Variants in LMNB2 observed in about 807,000 individuals in gnomAD.
LMNB2 encodes lamin-B2.
Under a neutral mutation model 69.3 loss-of-function variants are expected in LMNB2, and 17 were observed. The ratio of observed to expected loss-of-function variants is 0.25; its 90% CI spans 0.17 to 0.37. The LOEUF (loss-of-function observed/expected upper bound fraction) is 0.37, where lower values mean the gene tolerates loss of function less well. LMNB2 is among the 10% of genes least tolerant of loss of function. The pLI is 1.00. For synonymous variants in LMNB2, 397 were observed against 389.3 expected, an observed-to-expected ratio of 1.02 and a Z score of -0.23; for missense variants, 789 against 883.6, an observed-to-expected ratio of 0.89 and a Z score of 1.36.
rs1417315183 is a variant in LMNB2 at position 2,428,548 on chromosome 19, C to T, written c.*2363G>A. On this transcript the variant is annotated 3_prime_UTR_variant, in exon 12 of 12. Coordinates refer to ENST00000325327, the MANE Select transcript of LMNB2 (RefSeq NM_032737.4). ...CTCCCGGCTCCTGGGCTCAGCGGGGCAGGCTTCAGCGTTAACCTGGCGCTG... is the reference window on the plus strand; with the variant it reads ...CTCCCGGCTCCTGGGCTCAGCGGGGTAGGCTTCAGCGTTAACCTGGCGCTG... 6.6e-6 allele frequency: 1 copy of T among 152,298 alleles called. No individual in the cohort carries two copies. Among genetic ancestry groups the T allele is most frequent in the Admixed American group, 6.5e-5 (1 of 15,286 alleles). The allele number at this position is 152,298 out of a possible 1,614,324, so 9.4% of individuals were successfully genotyped here. A position where few individuals can be genotyped will look rare whatever the true frequency, so the allele number is the denominator to read the frequency against.
intron 6 of LMNB2, 37 bp downstream of exon 6, chr19:2,434,751 C>A (rs1280438701): frequency 2.5e-6 from 4 of 1,581,594 alleles, no homozygotes; most frequent in Non-Finnish European, 3.4e-6. Flanking sequence ...AGAAGTTGGG[C>A]CAGGGGGACG....
intron 11 of LMNB2, 60 bp from the exon 12 acceptor site, chr19:2,431,012 A>G (rs1971732862): frequency 2.7e-6 from 3 of 1,120,686 alleles, no homozygotes; most frequent in Non-Finnish European, 4.1e-6. Context: ...GGCAGCCGGC[A>G]GGTAGATGGC....
At chr19:2,452,324 C>T (rs1156314368) in intron 1 of LMNB2, among the ~76,000 whole-genome samples, 1 of 152,010 alleles carries the variant, frequency 6.6e-6, no homozygotes, top group Non-Finnish European at 1.5e-5. Flanking sequence ...ATCCCAGCTA[C>T]TCAGAAGGCT....
rs891236163 is a variant in LMNB2 at position 2,447,408 on chromosome 19, G to C, written c.265-2868C>G. ...ACAGGCAGCGGGTGTGTGGGCAGCG[G>C]GGCTGGAGAAGGGGACGGGGAGTGA... is the stretch of plus-strand genomic sequence containing the variant. On this transcript the variant is annotated intron_variant, in intron 1 of 11. Transcript: ENST00000325327. The surrounding 1 kb of genome is among the most constrained non-coding windows in gnomAD (Gnocchi z 4.4). 1.3e-5 allele frequency among the ~76,000 whole-genome samples: 2 copies of C among 152,186 alleles called. No homozygotes were observed. Among genetic ancestry groups the C allele is most frequent in the Non-Finnish European group, 2.9e-5 (2 of 68,038 alleles).
chr19:2,438,192 GCTC>G lies in LMNB2; in HGVS notation c.652_654del (p.Glu218del). 1 of 1,614,028 alleles carries G rather than the reference GCTC, an allele frequency of 6.2e-7. No individual in the cohort carries two copies. Reference sequence around the variant, plus strand: ...TCGAACACACTCTTCCGGAAGTCCAGCTCCTCCTGCAGGCTCTGGCAGCGGTTC... The same window carrying G: ...TCGAACACACTCTTCCGGAAGTCCAGCTCCTGCAGGCTCTGGCAGCGGTTC... On this transcript the variant is annotated inframe_deletion, in exon 4 of 12. Coordinates refer to ENST00000325327, the MANE Select transcript of LMNB2 (RefSeq NM_032737.4).
Position 2,434,506 on chromosome 19 carries a change from C to T in LMNB2, c.991G>A (p.Ala331Thr), listed in dbSNP as rs1437865965. The change falls in exon 7 of 12, where the codon GCT (alanine) becomes ACT (threonine). Residue 331 changes from alanine to threonine, a missense_variant. This residue lies in a region of LMNB2 where 609 missense variants were observed against 630.9 expected (regional missense o/e 0.97). Transcript: ENST00000325327. The stretch of plus-strand genomic sequence containing the variant: ...TCCAGCTCCCGAATGCGATCTTCAG[C>T]GGCACTGGCCTGCGGAGGGGGCGGG... Reference protein sequence around the residue: ...LSGLQKQASAAEDRIRELEEA... With the variant: ...LSGLQKQASATEDRIRELEEA... The T allele has an allele frequency of 6.8e-6, 11 of 1,612,422 alleles. No individual in the cohort carries two copies. Among genetic ancestry groups the T allele is most frequent in the Non-Finnish European group, 8.5e-6 (10 of 1,179,922 alleles).
At position 2,444,538 on chromosome 19, in the gene LMNB2, C is replaced by T; in HGVS notation, c.267G>A (p.Val89=). 2 of 1,609,656 alleles carry T rather than the reference C, an allele frequency of 1.2e-6. No individual in the cohort carries two copies. The highest frequency in any genetic ancestry group is 1.7e-6 in the Non-Finnish European group (2 of 1,180,004). Residue 89 remains valine (V), a splice_region_variant and synonymous_variant, in exon 2 of 12, where the codon GTG becomes GTA. Transcript: ENST00000325327. ...SEKEEVTTRE[V]SGIKALYESE... The stretch of plus-strand genomic sequence containing the variant: ...ACTCGTACAGCGCCTTGATGCCACT[C>T]ACCTGGGGAGACCCAGGACAGGGTG...
Position 2,434,075 on chromosome 19 carries a change from G to A in LMNB2, c.1233C>T (p.Arg411=), listed in dbSNP as rs910442854. The A allele has an allele frequency of 5.6e-6, 9 of 1,594,168 alleles. No individual in the cohort carries two copies. Among genetic ancestry groups the A allele is most frequent in the South Asian group, 5.6e-5 (5 of 89,300 alleles). The change falls in exon 8 of 12, where the codon CGC becomes CGT. Residue 411 remains arginine (R), a synonymous_variant. Transcript: ENST00000325327. ...TCGAGGTGGCTCGTGAGACGGTGAC[G>A]CGCGAGGATGGGCTGGGGGACAGCT... ...RLKLSPSPSS[R]VTVSRATSSS...
chr19:2,456,941 G>A lies in LMNB2; in HGVS notation c.-8C>T, dbSNP rs1972098977. 4.4e-5 allele frequency: 43 copies of A among 987,882 alleles called. No homozygotes were observed. The highest frequency in any genetic ancestry group is 4.6e-5 in the Non-Finnish European group (38 of 833,380). 61.2% of individuals were successfully genotyped at this position (987,882 alleles called of 1,614,324 possible). A position where few individuals can be genotyped will look rare whatever the true frequency, so the allele number is the denominator to read the frequency against. On this transcript the variant is annotated 5_prime_UTR_variant, in exon 1 of 12. Coordinates refer to ENST00000325327, the MANE Select transcript of LMNB2 (RefSeq NM_032737.4). Reference sequence around the variant, plus strand: ...CGGGCTCGGCGGGCTCATTCAATCCGCGCCGCCGGCTGCAAGATGGCGCCG... The same window carrying A: ...CGGGCTCGGCGGGCTCATTCAATCCACGCCGCCGGCTGCAAGATGGCGCCG...
At chr19:2,448,035 C>A (rs1971977784) in intron 1 of LMNB2, among the ~76,000 whole-genome samples, 1 of 152,322 alleles carries the variant, frequency 6.6e-6, no homozygotes, top group Non-Finnish European at 1.5e-5. Flanking sequence ...TCTGCGGGGA[C>A]CAATTGTAGG....
chr19:2,444,491 C>G lies in LMNB2; in HGVS notation c.314G>C (p.Arg105Thr). The change falls in exon 2 of 12, where the codon AGA becomes ACA. Residue 105 changes from arginine (R) to threonine (T), a missense_variant. By Grantham distance (71) the Arg-to-Thr change is moderately conservative (BLOSUM62 -1). Coordinates refer to ENST00000325327, the MANE Select transcript of LMNB2 (RefSeq NM_032737.4). The stretch of plus-strand genomic sequence containing the variant: ...CTCTCGAGCCGTCTCATCCAGGACT[C>G]TCCGGGCATCGGCCAGCTCCGACTC... The part of the protein sequence containing the change: ...LYESELADAR[R>T]VLDETARERA... 6.2e-7 allele frequency: 1 copy of G among 1,613,334 alleles called. No homozygotes were observed. The highest frequency in any genetic ancestry group is 8.5e-7 in the Non-Finnish European group (1 of 1,180,042).
In LMNB2 at chr19:2,434,993, G is replaced by A. The variant is rs375918278; in HGVS notation, c.855+8C>T. 506 of 1,234,354 alleles carry A rather than the reference G, an allele frequency of 4.1e-4. 9 individuals carry two copies. In the Middle Eastern group the frequency reaches 5.4e-3, roughly 13 times the overall value. The allele number at this position is 1,234,354 out of a possible 1,614,324, so 76.5% of individuals were successfully genotyped here. ...GGCCGCCCCCGCCCACCCGCCTGCC[G>A]GCCACACCTTGGCCTGGTAGGTCTG... On this transcript the variant is annotated splice_region_variant and intron_variant, in intron 5 of 11. Transcript: ENST00000325327.
rs770455784 is a variant in LMNB2 at position 2,434,961 on chromosome 19, TCCCACCGGCCGCCCCCG to T, written c.855+23_855+39del. On this transcript the variant is annotated intron_variant, in intron 5 of 11. Transcript: ENST00000325327. ...GTGCGGGCGCGGGGCGGGGCGGGGT[TCCCACCGGCCGCCCCCG>T]CCCACCCGCCTGCCGGCCACACCTT... is the stretch of plus-strand genomic sequence containing the variant. 6.9e-6 allele frequency: 11 copies of T among 1,583,006 alleles called. No homozygotes were observed. The South Asian group carries it at 1.1e-4, about 16-fold the overall frequency.
intron 4 of LMNB2, among the ~76,000 whole-genome samples, chr19:2,436,215 G>T (rs1042001135): frequency 2.6e-5 from 4 of 152,062 alleles, no homozygotes; most frequent in African/African-American, 9.7e-5. Context: ...CCCAGGAGGC[G>T]GAGGTTGCAG....
At chr19:2,446,234 C>T (rs930043780) in intron 1 of LMNB2, among the ~76,000 whole-genome samples, 35 of 150,204 alleles carry the variant, frequency 2.3e-4, no homozygotes, top group Non-Finnish European at 1.0e-4. Flanking sequence ...CCCCACCTTT[C>T]CCGACGGAGA....
chr19:2,433,267 C>T (rs113059196), intron 8 of LMNB2, among the ~76,000 whole-genome samples: 1 of 25,226 alleles, frequency 4.0e-5, no homozygotes, highest in Non-Finnish European at 8.0e-5. Flanking sequence ...GCTGGGTCAC[C>T]CCGTTACCCC....
chr19:2,432,508 T>C lies in LMNB2; in HGVS notation c.1498A>G (p.Asn500Asp). The change falls in exon 9 of 12, where the codon AAC becomes GAC. Residue 500 changes from asparagine (N) to aspartate (D), a missense_variant. By Grantham distance (23) the Asn-to-Asp change is conservative. Around this residue, in one of 3 missense-constraint regions of LMNB2, gnomAD observed 609 missense variants for 630.9 expected, o/e 0.97. Coordinates refer to ENST00000325327, the MANE Select transcript of LMNB2 (RefSeq NM_032737.4). The stretch of plus-strand genomic sequence containing the variant: ...AAGACCTGCCTCTTGATTCTCCAGT[T>C]CCCCAGAGACTGATCCTGGAAGACA... ...NNSDKDQSLGNWRIKRQVLEG... is the reference protein window; with the variant it reads ...NNSDKDQSLGDWRIKRQVLEG... 6.2e-7 allele frequency: 1 copy of C among 1,613,452 alleles called. No homozygotes were observed. The highest frequency in any genetic ancestry group is 8.5e-7 in the Non-Finnish European group (1 of 1,179,720).
intron 2 of LMNB2, among the ~76,000 whole-genome samples, chr19:2,439,054 T>TTA (rs1971862068): frequency 7.7e-6 from 1 of 129,360 alleles, no homozygotes; most frequent in Non-Finnish European, 1.7e-5. Context: ...TTTTTTTTTT[T>TTA]TTTTTTTTTT....
intron 1 of LMNB2, among the ~76,000 whole-genome samples, chr19:2,456,173 A>T (rs1972085783): frequency 6.8e-6 from 1 of 147,372 alleles, no homozygotes; most frequent in Non-Finnish European, 1.5e-5. Flanking sequence ...CGCGGCGGAG[A>T]TCCCCGAGGC....
Sources: allele counts gnomAD v4.1 joint callset (sites outside exome capture counted in the v4.1 genomes callset), GRCh38; gene constraint gnomAD v4.1.1; regional missense constraint gnomAD v4.1.1; non-coding constraint Gnocchi (gnomAD v3.1); transcripts MANE v1.5; gene names NCBI Gene and HGNC (gene_info 2026-07-23, HGNC 2026-07-21).